Variants in UQCRC1 observed in about 807,000 individuals in gnomAD.
UQCRC1 encodes the protein ubiquinol-cytochrome c reductase core protein 1, also known as cytochrome b-c1 complex subunit 1, mitochondrial.
UQCRC1 carries 34 observed loss-of-function variants against 58.0 expected under a neutral mutation model. That is an observed-to-expected ratio of 0.59 (90% CI 0.45 to 0.78). The LOEUF (loss-of-function observed/expected upper bound fraction) is 0.78, where lower values mean the gene tolerates loss of function less well. UQCRC1 is among the 30% of genes least tolerant of loss of function. The pLI is 0.00. For missense variants in UQCRC1, 610 were observed against 646.0 expected, an observed-to-expected ratio of 0.94 and a Z score of 0.60; for synonymous variants, 276 against 248.8, an observed-to-expected ratio of 1.11 and a Z score of -1.03.
intron 2 of UQCRC1, among the ~76,000 whole-genome samples, chr3:48,607,807 C>T (rs1171302405): frequency 6.6e-6 from 1 of 152,010 alleles, no homozygotes; most frequent in Non-Finnish European, 1.5e-5. Context: ...GAATAACAAA[C>T]CTTGTACCCA....
chr3:48,605,456 G>C (rs2046402944), intron 3 of UQCRC1, among the ~76,000 whole-genome samples: 1 of 152,202 alleles, frequency 6.6e-6, no homozygotes. Context: ...AAGCAAGCAT[G>C]CATGCCCATG....
intron 2 of UQCRC1, among the ~76,000 whole-genome samples, chr3:48,606,253 C>T (rs1408104881): frequency 2.0e-5 from 3 of 152,192 alleles, no homozygotes; most frequent in African/African-American, 7.2e-5. Flanking sequence ...TTACACGCTG[C>T]CTTTGTTCTG....
intron 2 of UQCRC1, 129 bp from the exon 3 acceptor site, chr3:48,605,985 C>T: frequency 2.5e-6 from 2 of 802,820 alleles, no homozygotes; most frequent in Non-Finnish European, 3.8e-6. Flanking sequence ...GGAGAGCTGC[C>T]CCAGCAGGAC....
chr3:48,607,616 T>C (rs1052294414), intron 2 of UQCRC1, among the ~76,000 whole-genome samples: 1 of 151,436 alleles, frequency 6.6e-6, no homozygotes, highest in Non-Finnish European at 1.5e-5. Context: ...CAGAGTACAG[T>C]GACATAATCA....
chr3:48,599,326 A>T, intron 12 of UQCRC1, 134 bp from the exon 13 acceptor site: 1 of 1,073,754 alleles, frequency 9.3e-7, no homozygotes, highest in African/African-American at 1.6e-5. Flanking sequence ...AGAGGAGAGA[A>T]CATTCCCCCA....
rs1298808163 is a variant in UQCRC1, at chr3:48,603,554, C to T, written c.706+10G>A. 25 of 1,612,784 alleles carry T rather than the reference C, an allele frequency of 1.6e-5. No individual in the cohort carries two copies. Among genetic ancestry groups the T allele is most frequent in the Non-Finnish European group, 1.7e-5 (20 of 1,179,422 alleles). On this transcript the variant is annotated intron_variant, in intron 6 of 12. Transcript: ENST00000203407. Reference sequence around the variant, plus strand: ...CCACTACCCAGGACTTCAGTGATTCCATCACTCACCTCCAGCTGCTGCCAG... The same window carrying T: ...CCACTACCCAGGACTTCAGTGATTCTATCACTCACCTCCAGCTGCTGCCAG...
rs773017337 is a variant in UQCRC1, at chr3:48,600,769, G to A, written c.1038C>T (p.Ile346=). The change falls in exon 9 of 13, where the codon ATC becomes ATT. Residue 346 remains isoleucine (I), a synonymous_variant. Transcript: ENST00000203407. ...CCAGCAAGCCCGTCTCTGCATAGCA[G>A]ATGCTGAAGGTCTGGAAACTCTGGC... ...KLCQSFQTFS[I]CYAETGLLGA... 6.2e-6 allele frequency: 10 copies of A among 1,614,166 alleles called. No homozygotes were observed. The highest frequency in any genetic ancestry group is 1.7e-5 in the Admixed American group (1 of 60,034).
intron 6 of UQCRC1, 52 bp downstream of exon 6, chr3:48,603,512 T>C: frequency 5.0e-6 from 8 of 1,592,188 alleles, no homozygotes; most frequent in East Asian, 2.2e-5. Context: ...TCGGCTTTGA[T>C]AACCAAGGCT....
chr3:48,608,548 T>C (rs1204658728), intron 2 of UQCRC1, among the ~76,000 whole-genome samples: 1 of 152,222 alleles, frequency 6.6e-6, no homozygotes, highest in East Asian at 1.9e-4. Flanking sequence ...CGCAGGACAT[T>C]GTTTCTGGAA....
chr3:48,599,244 C>T (rs377544401), intron 12 of UQCRC1, 52 bp from the exon 13 acceptor site: 10 of 1,539,734 alleles, frequency 6.5e-6, no homozygotes, highest in Non-Finnish European at 8.8e-6. Flanking sequence ...TGCACAGGGA[C>T]ACCTGGCCCT....
chr3:48,599,567 G>C, intron 12 of UQCRC1, 68 bp downstream of exon 12: 3 of 1,551,456 alleles, frequency 1.9e-6, no homozygotes, highest in Non-Finnish European at 2.7e-6. Flanking sequence ...CGGGAGCAGA[G>C]GTGGAAGGGG....
At chr3:48,602,302 C>T (rs2046373509) in intron 6 of UQCRC1, among the ~76,000 whole-genome samples, 1 of 152,092 alleles carries the variant, frequency 6.6e-6, no homozygotes, top group South Asian at 2.1e-4. Context: ...CCGCCCGCCT[C>T]GGCCTCCCAA....
intron 12 of UQCRC1, 58 bp downstream of exon 12, chr3:48,599,577 G>A: frequency 6.4e-7 from 1 of 1,573,328 alleles, no homozygotes; most frequent in Middle Eastern, 1.7e-4. Context: ...GGTGGAAGGG[G>A]AGGCCAAGAG....
chr3:48,602,354 G>T (rs952848980), intron 6 of UQCRC1, among the ~76,000 whole-genome samples: 6 of 150,986 alleles, frequency 4.0e-5, no homozygotes, highest in Admixed American at 3.3e-4. Flanking sequence ...CCCGGCCTGC[G>T]TTGGCCTTTC....
chr3:48,602,162 T>G (rs373626239), intron 6 of UQCRC1, among the ~76,000 whole-genome samples: 44 of 151,970 alleles, frequency 2.9e-4, no homozygotes, highest in African/African-American at 1.1e-3. Context: ...GCCATTCTCC[T>G]GCCTCAGCCT....
chr3:48,603,627 C>G lies in UQCRC1; in HGVS notation c.643G>C (p.Asp215His), dbSNP rs17080284. 9.9e-4 allele frequency: 1,601 copies of G among 1,613,972 alleles called. 27 individuals carry two copies. The East Asian group carries it at 0.033, about 33-fold the overall frequency. ...TGTGTGCTGAGGTACTCGGTCAAGT[C>G]TGCACGAGACAGCTTCCTACAAGAC... is the stretch of plus-strand genomic sequence containing the variant. ...SENVRKLSRA[D>H]LTEYLSTHYK... is the part of the protein sequence containing the mutation. The change falls in exon 6 of 13, where the codon GAC (aspartate) becomes CAC (histidine). Residue 215 changes from aspartate (D) to histidine (H), a missense_variant. By Grantham distance (81) the Asp-to-His change is moderately conservative (BLOSUM62 -1). Transcript: ENST00000203407.
rs868863223 is a variant in UQCRC1, at chr3:48,599,679, C to A, written c.1334G>T (p.Cys445Phe). The A allele has an allele frequency of 6.2e-7, 1 of 1,613,886 alleles. No individual in the cohort carries two copies. The highest frequency in any genetic ancestry group is 8.5e-7 in the Non-Finnish European group (1 of 1,179,976). ...EVDASVVREI[C>F]SKYIYDQCPA... is the part of the protein sequence containing the mutation. ...GCACTGGTCATAGATGTACTTGGAG[C>A]AGATCTCACGTACCACACTGGCATC... The change falls in exon 12 of 13, where the codon TGC becomes TTC. Residue 445 changes from cysteine (C) to phenylalanine (F), a missense_variant. Cys to Phe is a radical substitution (Grantham distance 205). Transcript: ENST00000203407.
rs953114128 is a variant in UQCRC1, at chr3:48,599,073, T to TG, written c.*54dup. 1,823 of 1,536,280 alleles carry TG rather than the reference T, an allele frequency of 1.2e-3. 1 individual carries two copies. Among genetic ancestry groups the TG allele is most frequent in the East Asian group, 5.9e-3 (253 of 42,576 alleles). ...AGGAGCCGAAGTGCTGTGTTTGTGG[T>TG]GGGGGGGGGACCACAAACCCCGGCC... On this transcript the variant is annotated 3_prime_UTR_variant, in exon 13 of 13. Coordinates refer to ENST00000203407, the MANE Select transcript of UQCRC1 (RefSeq NM_003365.3).
At chr3:48,603,420 G>C in intron 6 of UQCRC1, 144 bp downstream of exon 6, 3 of 740,780 alleles carry the variant, frequency 4.0e-6, no homozygotes, top group Middle Eastern at 3.8e-4. Context: ...AGAGAGCACA[G>C]GAGGAAGGTC....
Sources: gnomAD v4.1 joint callset for allele counts (sites outside exome capture counted in the v4.1 genomes callset) on GRCh38, gnomAD v4.1.1 for gene constraint, MANE v1.5 for transcripts, NCBI Gene and HGNC (gene_info 2026-07-23, HGNC 2026-07-21) for gene names.